The following SYT9 variants were observed in gnomAD, a reference collection of about 807,000 sequenced individuals.
SYT9 encodes the protein synaptotagmin 9, also known as synaptotagmin-9.
SYT9 carries 22 observed loss-of-function variants against 48.4 expected under a neutral mutation model. The ratio of observed to expected loss-of-function variants is 0.45; its 90% confidence interval spans 0.32 to 0.65. SYT9 has a LOEUF of 0.65. Ranked by LOEUF, SYT9 falls within the 30% of genes least tolerant of loss-of-function variation. The pLI is 0.03. For missense variants in SYT9, 577 were observed against 622.0 expected (o/e 0.93, Z 0.77); for synonymous variants, 265 against 245.0 (o/e 1.08, Z -0.76).
intron 6 of SYT9, among the ~76,000 whole-genome samples, chr11:7,447,469 C>G (rs1847955242): frequency 6.6e-6 from 1 of 152,204 alleles, no homozygotes; most frequent in African/African-American, 2.4e-5. Context: ...TTTGCTCATG[C>G]TGTTCTCTTT....
Position 7,344,225 on chromosome 11 carries a change from C to G in SYT9, c.1044+30284C>G, listed in dbSNP as rs140997719. Among the ~76,000 whole-genome samples the G allele has an allele frequency of 3.2e-4, 49 of 152,254 alleles. 1 individual carries two copies. The East Asian group carries it at 7.5e-3, about 23-fold the overall frequency. On this transcript the variant is annotated intron_variant, in intron 3 of 6. Coordinates refer to ENST00000318881, the MANE Select transcript of SYT9 (RefSeq NM_175733.4). ...GCATGCAGCCCAGTTCCCCTAGTCT[C>G]TCTTCCTAAATCCCCCATCTTTTTT...
intron 1 of SYT9, among the ~76,000 whole-genome samples, chr11:7,274,475 C>T (rs1041480268): frequency 1.3e-5 from 2 of 152,014 alleles, no homozygotes; most frequent in Non-Finnish European, 2.9e-5. Flanking sequence ...CACCACCATG[C>T]CCAGCTAATT....
chr11:7,303,924 C>T (rs1474962840), intron 2 of SYT9, among the ~76,000 whole-genome samples: 8 of 152,262 alleles, frequency 5.3e-5, no homozygotes, highest in East Asian at 3.9e-4. Flanking sequence ...GGTCTTTGTC[C>T]GTCTCCAGCC....
At chr11:7,271,839 G>A (rs1848303564) in intron 1 of SYT9, among the ~76,000 whole-genome samples, 1 of 152,132 alleles carries the variant, frequency 6.6e-6, no homozygotes, top group Admixed American at 6.5e-5. Context: ...GCCTCCCAAA[G>A]TGCTGGGATT....
chr11:7,278,505 G>A (rs1260665699), intron 1 of SYT9, among the ~76,000 whole-genome samples: 2 of 152,154 alleles, frequency 1.3e-5, no homozygotes, highest in Non-Finnish European at 2.9e-5. Context: ...GCCACCTACA[G>A]GTGGACTTAA....
At chr11:7,376,380 C>CCCTCT (rs976253746) in intron 3 of SYT9, among the ~76,000 whole-genome samples, 15 of 150,872 alleles carry the variant, frequency 9.9e-5, no homozygotes, top group East Asian at 3.9e-4. Context: ...TCCTCCCCTC[C>CCCTCT]CCTCTCCTCT....
At chr11:7,304,007 C>T (rs1396069955) in intron 2 of SYT9, among the ~76,000 whole-genome samples, 1 of 152,204 alleles carries the variant, frequency 6.6e-6, no homozygotes, top group Non-Finnish European at 1.5e-5. Flanking sequence ...TGCTCTTCAG[C>T]AGTAGAGAAA....
At chr11:7,245,205 T>C (rs1847778575) in intron 1 of SYT9, among the ~76,000 whole-genome samples, 1 of 152,220 alleles carries the variant, frequency 6.6e-6, no homozygotes, top group Admixed American at 6.5e-5. Flanking sequence ...ACTAAACTTC[T>C]CTGTTCTTGT....
intron 1 of SYT9, among the ~76,000 whole-genome samples, chr11:7,273,399 G>C (rs1389169291): frequency 6.6e-6 from 1 of 151,242 alleles, no homozygotes; most frequent in African/African-American, 2.4e-5. Context: ...CTTACATTTT[G>C]ATGGGCATAG....
chr11:7,302,148 G>C (rs984910107), intron 1 of SYT9, among the ~76,000 whole-genome samples: 1 of 152,190 alleles, frequency 6.6e-6, no homozygotes, highest in African/African-American at 2.4e-5. Context: ...GGTTTCAAAT[G>C]ATGGGAATTT....
At chr11:7,461,042 T>C (rs1376873407) in intron 6 of SYT9, among the ~76,000 whole-genome samples, 1 of 152,116 alleles carries the variant, frequency 6.6e-6, no homozygotes, top group African/African-American at 2.4e-5. Flanking sequence ...AAGTTTCTTC[T>C]TCTGGTTGGC....
intron 3 of SYT9, among the ~76,000 whole-genome samples, chr11:7,345,601 G>A (rs137874395): frequency 6.6e-6 from 1 of 152,248 alleles, no homozygotes; most frequent in Non-Finnish European, 1.5e-5. Context: ...CTGTATTCTG[G>A]TATAAGTAAG....
intron 3 of SYT9, among the ~76,000 whole-genome samples, chr11:7,383,129 A>C (rs144863391): frequency 1.3e-5 from 2 of 152,344 alleles, no homozygotes; most frequent in East Asian, 3.9e-4. Context: ...TCAAACTATT[A>C]ACGTCGTCCA....
intron 3 of SYT9, among the ~76,000 whole-genome samples, chr11:7,342,560 G>C (rs1203463643): frequency 6.6e-5 from 10 of 152,212 alleles, no homozygotes; most frequent in African/African-American, 2.4e-5. Context: ...GTCTTGGGCA[G>C]CTCTGCCCCT....
chr11:7,312,212 G>A (rs571999559), intron 2 of SYT9, among the ~76,000 whole-genome samples: 2 of 152,118 alleles, frequency 1.3e-5, no homozygotes, highest in African/African-American at 2.4e-5. Flanking sequence ...CAATATCTGT[G>A]GTGACAAGGG....
intron 3 of SYT9, among the ~76,000 whole-genome samples, chr11:7,337,338 T>TTCTTTCTCTGCCTGATTGC (rs1849646882): frequency 2.6e-5 from 4 of 152,120 alleles, no homozygotes; most frequent in Non-Finnish European, 5.9e-5. Context: ...TGTGCTTTAT[T>TTCTTTCTCTGCCTGATTGC]TCTTTCTCTG....
chr11:7,301,132 C>T (rs1848911609), intron 1 of SYT9, among the ~76,000 whole-genome samples: 1 of 152,158 alleles, frequency 6.6e-6, no homozygotes, highest in African/African-American at 2.4e-5. Flanking sequence ...TTCTTATTTT[C>T]CATTGCTTAT....
rs4344466 is a variant in SYT9, at chr11:7,467,110, A to G, written c.*310A>G. 295,112 of 345,070 alleles carry G rather than the reference A, an allele frequency of 0.86. 126,580 individuals are homozygous for G. Among genetic ancestry groups the G allele is most frequent in the African/African-American group, 0.93 (44,103 of 47,562 alleles). The allele number at this position is 345,070 out of a possible 1,614,324, so 21.4% of individuals were successfully genotyped here. ...ACAGTACCAAGAGTACCAGGACTCAATGTTTCATATGAAGCCCTTGGTGAT... is the reference window on the plus strand; with the variant it reads ...ACAGTACCAAGAGTACCAGGACTCAGTGTTTCATATGAAGCCCTTGGTGAT... On this transcript the variant is annotated 3_prime_UTR_variant, in exon 7 of 7. Transcript: ENST00000318881.
At chr11:7,454,625 G>A (rs987020251) in intron 6 of SYT9, among the ~76,000 whole-genome samples, 2 of 152,190 alleles carry the variant, frequency 1.3e-5, no homozygotes, top group Non-Finnish European at 2.9e-5. Flanking sequence ...ATAGGAAACT[G>A]CCTACGGGGA....
Sources: allele counts gnomAD v4.1 joint callset (sites outside exome capture counted in the v4.1 genomes callset), GRCh38; gene constraint gnomAD v4.1.1; transcripts MANE v1.5; gene names NCBI Gene and HGNC (gene_info 2026-07-23, HGNC 2026-07-21).